DPP6: variants seen among roughly 807,000 people sequenced by gnomAD.
DPP6 encodes dipeptidyl peptidase like 6.
DPP6 carries 69 observed loss-of-function variants against 122.6 expected under a neutral mutation model. The ratio of observed to expected loss-of-function variants is 0.56; its 90% CI spans 0.46 to 0.69. The LOEUF is 0.69. Among genes scored for constraint, DPP6 ranks in the 30% least tolerant of loss-of-function variants. DPP6 has a pLI of 0.00. For synonymous variants in DPP6, 418 were observed against 433.1 expected, an observed-to-expected ratio of 0.97 and a Z score of 0.43; for missense variants, 928 against 1,116.9, an observed-to-expected ratio of 0.83 and a Z score of 2.41.
At chr7:154,778,463 T>C (rs1339397473) in intron 10 of DPP6, among the ~76,000 whole-genome samples, 1 of 151,750 alleles carries the variant, frequency 6.6e-6, no homozygotes, top group African/African-American at 2.4e-5. Context: ...ATACAAAACA[T>C]GGTATGTGCA....
At chr7:154,519,822 A>G (rs994255241) in intron 3 of DPP6, among the ~76,000 whole-genome samples, 20 of 152,218 alleles carry the variant, frequency 1.3e-4, no homozygotes, top group African/African-American at 4.6e-4. Flanking sequence ...AAATAAAATC[A>G]TAGGTGAATG....
Position 154,618,761 on chromosome 7 carries a change from C to T in DPP6, c.628-19060C>T, listed in dbSNP as rs1308710011. 6.6e-6 allele frequency among the ~76,000 whole-genome samples: 1 copy of T among 152,200 alleles called. No homozygotes were observed. The highest frequency in any genetic ancestry group is 1.5e-5 in the Non-Finnish European group (1 of 68,046). On this transcript the variant is annotated intron_variant, in intron 5 of 25. Transcript: ENST00000377770. This position sits in a 1 kb window ranked among gnomAD's most constrained non-coding sequence, Gnocchi z 4.1. ...TTATCTCATTTTAACTTCACTTACT[C>T]ATGTAATCTCAGCACTATTATCATC...
chr7:154,853,059 C>T (rs1802536157), intron 16 of DPP6, among the ~76,000 whole-genome samples: 1 of 152,192 alleles, frequency 6.6e-6, no homozygotes. Flanking sequence ...GAAAAGTCAC[C>T]AGGCCTGCCT....
intron 3 of DPP6, among the ~76,000 whole-genome samples, chr7:154,500,196 TTGA>T (rs766316925): frequency 6.6e-6 from 1 of 152,096 alleles, no homozygotes; most frequent in African/African-American, 2.4e-5. Context: ...GAAAGCCACT[TTGA>T]TCAGTGATCA....
At chr7:154,016,012 C>G (rs1173176623) in intron 1 of DPP6, among the ~76,000 whole-genome samples, 1 of 152,168 alleles carries the variant, frequency 6.6e-6, no homozygotes, top group African/African-American at 2.4e-5. Context: ...ATGCTCTGGC[C>G]ATATCGGCCC....
At chr7:154,878,399 C>T (rs1029073212) in intron 20 of DPP6, among the ~76,000 whole-genome samples, 7 of 152,208 alleles carry the variant, frequency 4.6e-5, no homozygotes, top group Admixed American at 6.5e-5. Flanking sequence ...AGAATGGGAG[C>T]GTGTGGACAA....
chr7:154,645,062 T>G (rs1304030613), intron 6 of DPP6, among the ~76,000 whole-genome samples: 17 of 95,012 alleles, frequency 1.8e-4, no homozygotes, highest in Non-Finnish European at 2.9e-4. Flanking sequence ...TATTTGTTGG[T>G]TTTTTTTTTT....
At position 154,780,613 on chromosome 7, in the gene DPP6, T is replaced by A. The variant is rs963955532; in HGVS notation, c.1136+7671T>A. ...ACAAGGTTTGCCAAGGCAGAGTCAC[T>A]GGGCTGGTGAGCCAGTGCTGGTAAA... On this transcript the variant is annotated intron_variant, in intron 10 of 25. Coordinates refer to ENST00000377770, the MANE Select transcript of DPP6 (RefSeq NM_130797.4). Among the ~76,000 whole-genome samples, 6 of 152,252 alleles carry A rather than the reference T, an allele frequency of 3.9e-5. No individual in the cohort carries two copies. In the South Asian group the frequency reaches 1.2e-3, roughly 31 times the overall value.
At chr7:154,892,183 C>A in intron 25 of DPP6, 151 bp from the exon 26 acceptor site, 1 of 1,000,134 alleles carries the variant, frequency 1.0e-6, no homozygotes, top group Non-Finnish European at 1.5e-6. Flanking sequence ...GCACTTCCAT[C>A]AGGAGTGGCA....
chr7:154,853,557 G>A (rs564535825), intron 16 of DPP6, among the ~76,000 whole-genome samples: 1 of 152,324 alleles, frequency 6.6e-6, no homozygotes, highest in Non-Finnish European at 1.5e-5. Flanking sequence ...CTTTGAGTTG[G>A]GTGTGTTGCA....
intron 7 of DPP6, among the ~76,000 whole-genome samples, chr7:154,710,836 C>A (rs866543415): frequency 1.4e-4 from 22 of 152,252 alleles, no homozygotes; most frequent in South Asian, 8.3e-4. Context: ...CTCCTGTGGG[C>A]TTCAGGAGCA....
At chr7:154,423,281 G>A (rs933674705) in intron 1 of DPP6, among the ~76,000 whole-genome samples, 19 of 152,198 alleles carry the variant, frequency 1.2e-4, no homozygotes, top group Admixed American at 1.2e-3. Flanking sequence ...GAGTCAGGGA[G>A]GTGAAAAACT....
chr7:154,522,599 G>A (rs1827086687), intron 3 of DPP6, among the ~76,000 whole-genome samples: 1 of 152,234 alleles, frequency 6.6e-6, no homozygotes, highest in South Asian at 2.1e-4. Flanking sequence ...TAGAAAACTT[G>A]CTCTTTTGAA....
At chr7:154,078,524 A>T (rs1174402431) in intron 1 of DPP6, among the ~76,000 whole-genome samples, 1 of 152,142 alleles carries the variant, frequency 6.6e-6, no homozygotes, top group East Asian at 1.9e-4. Context: ...AGTTATTCCC[A>T]AGCTCATTTA....
chr7:154,340,329 A>C (rs1809816578), intron 1 of DPP6, among the ~76,000 whole-genome samples: 1 of 152,206 alleles, frequency 6.6e-6, no homozygotes, highest in South Asian at 2.1e-4. Flanking sequence ...GCAGCTGAAC[A>C]ATGAAATAAA....
intron 3 of DPP6, among the ~76,000 whole-genome samples, chr7:154,533,475 G>C (rs1828003632): frequency 6.6e-6 from 1 of 152,112 alleles, no homozygotes; most frequent in African/African-American, 2.4e-5. Flanking sequence ...TTCATGCCCA[G>C]TTGGCTTCAT....
chr7:154,593,921 TTTAATAG>T (rs2130742703), intron 5 of DPP6, among the ~76,000 whole-genome samples: 1 of 152,324 alleles, frequency 6.6e-6, no homozygotes, highest in South Asian at 2.1e-4. Flanking sequence ...TTGAGAGCAA[TTTAATAG>T]TTAATAACAT....
chr7:154,569,939 G>C (rs970540561), intron 5 of DPP6, among the ~76,000 whole-genome samples: 8 of 151,766 alleles, frequency 5.3e-5, no homozygotes, highest in African/African-American at 1.7e-4. Flanking sequence ...CCATCTTCCT[G>C]GGTGACCCTG....
chr7:153,787,771 G>GA, the DPP6 span, among the ~76,000 whole-genome samples: 1 of 149,936 alleles, frequency 6.7e-6, no homozygotes, highest in African/African-American at 2.5e-5. Context: ...AATAAAATAA[G>GA]AAAAAAAGAA....
Sources: allele counts gnomAD v4.1 joint callset (sites outside exome capture counted in the v4.1 genomes callset), GRCh38; gene constraint gnomAD v4.1.1; non-coding constraint Gnocchi (gnomAD v3.1); transcripts MANE v1.5; gene names NCBI Gene and HGNC (gene_info 2026-07-23, HGNC 2026-07-21).